The following IRF1 variants were observed in gnomAD, a reference collection of about 807,000 sequenced individuals.
IRF1 encodes the protein interferon regulatory factor-1.
Under a neutral mutation model 43.7 loss-of-function variants are expected in IRF1, and 13 were observed. The observed-to-expected ratio is 0.30, with a 90% CI of 0.19 to 0.47. The LOEUF (loss-of-function observed/expected upper bound fraction) is 0.47. Among genes scored for constraint, IRF1 ranks in the 20% least tolerant of loss-of-function variants. The pLI is 0.99. For synonymous variants in IRF1, 138 were observed against 146.8 expected (o/e 0.94, Z 0.43); for missense variants, 236 against 408.9 (o/e 0.58, Z 3.65).
At position 132,481,663 on chromosome 5, in the gene IRF1, A is replaced by G. The variant is rs1580934120; in HGVS notation, c.*2288T>C. 6.6e-6 allele frequency: 1 copy of G among 152,276 alleles called. No individual in the cohort carries two copies. The highest frequency in any genetic ancestry group is 1.5e-5 in the Non-Finnish European group (1 of 68,060). 9.4% of individuals were successfully genotyped at this position (152,276 alleles called of 1,614,324 possible). ...AATTAAAAGTTCAATTCCTTATTGC[A>G]CTGGCCACATTTCAAGTGCTTAGCT... On this transcript the variant is annotated 3_prime_UTR_variant, in exon 10 of 10. Transcript: ENST00000245414.
Position 132,489,423 on chromosome 5 carries a change from T to G in IRF1, c.56A>C (p.Asn19Thr). 6.2e-7 allele frequency: 1 copy of G among 1,614,020 alleles called. No homozygotes were observed. Among genetic ancestry groups the G allele is most frequent in the Non-Finnish European group, 8.5e-7 (1 of 1,179,920 alleles). Reference sequence around the variant, plus strand: ...AATCCAGATGAGCCCCGGGATTTGGTTGGAATTAATCTGCATCTCTAGCCA... The same window carrying G: ...AATCCAGATGAGCCCCGGGATTTGGGTGGAATTAATCTGCATCTCTAGCCA... ...RPWLEMQINS[N>T]QIPGLIWINK... Residue 19 changes from asparagine to threonine, a missense_variant, in exon 2 of 10, where the codon AAC becomes ACC. Transcript: ENST00000245414.
chr5:132,484,084 T>C lies in IRF1; in HGVS notation c.854-9A>G, dbSNP rs772525637. On this transcript the variant is annotated splice_polypyrimidine_tract_variant and intron_variant, in intron 9 of 9. Coordinates refer to ENST00000245414, the MANE Select transcript of IRF1 (RefSeq NM_002198.3). The stretch of plus-strand genomic sequence containing the variant: ...ACTCAGCCCAATATCCCCTAGAAGA[T>C]GTGAAGAAGGTTGTATGAGGGTAGG... 15 of 1,613,404 alleles carry C rather than the reference T, an allele frequency of 9.3e-6. No homozygotes were observed. In the East Asian group the frequency reaches 3.1e-4, roughly 34 times the overall value.
rs894938971 is a variant in IRF1 at position 132,490,269 on chromosome 5, A to G, written c.-6+276T>C. ...GCGGGACGAACATAGCGGGCCACCT[A>G]CAGGCCCCTGGCGGCTGCGCGCACG... is the stretch of plus-strand genomic sequence containing the variant. On this transcript the variant is annotated intron_variant, in intron 1 of 9. Transcript: ENST00000245414. This position sits in a 1 kb window ranked among gnomAD's most constrained non-coding sequence, Gnocchi z 5.8. 1 of 151,774 alleles carries G rather than the reference A, an allele frequency of 6.6e-6. No individual in the cohort carries two copies. The highest frequency in any genetic ancestry group is 1.5e-5 in the Non-Finnish European group (1 of 67,842). 9.4% of individuals were successfully genotyped at this position (151,774 alleles called of 1,614,324 possible).
chr5:132,486,066 G>A, intron 7 of IRF1, 185 bp downstream of exon 7: 1 of 770,112 alleles, frequency 1.3e-6, no homozygotes, highest in Non-Finnish European at 2.1e-6. Context: ...CTGTACTGCA[G>A]CCCACTCTGA....
In IRF1 at chr5:132,485,697, C is replaced by G; in HGVS notation, c.687G>C (p.Glu229Asp). 6.2e-7 allele frequency: 1 copy of G among 1,613,162 alleles called. No homozygotes were observed. The highest frequency in any genetic ancestry group is 8.5e-7 in the Non-Finnish European group (1 of 1,179,650). Residue 229 changes from glutamate (E) to aspartate (D), a missense_variant, in exon 8 of 10, where the codon GAG (glutamate) becomes GAC (aspartate). This residue lies in a region of IRF1 where 170 missense variants were observed against 251.8 expected (regional missense o/e 0.68). Transcript: ENST00000245414. ...TGATGTCCTCAGGTAATTTCCCTTCCTCATCCTCATCTGTTGTAGCTGTGG... is the reference window on the plus strand; with the variant it reads ...TGATGTCCTCAGGTAATTTCCCTTCGTCATCCTCATCTGTTGTAGCTGTGG... Reference protein sequence around the residue: ...STSEATTDEDEEGKLPEDIMK... With the variant: ...STSEATTDEDDEGKLPEDIMK...
chr5:132,485,953 TACTTCCTTCCTCA>T (rs1754514650), intron 7 of IRF1: 3 of 256,634 alleles, frequency 1.2e-5, no homozygotes, highest in African/African-American at 1.4e-4. Context: ...ACCCCTACCC[TACTTCCTTCCTCA>T]CCCTCAGATG....
rs1240499570 is a variant in IRF1 at position 132,481,955 on chromosome 5, TGGTGATA to T, written c.*1989_*1995del. ...GGAGCCCAGAATCAACTGACAGCCC[TGGTGATA>T]GTCAAGGACAGGTGACTATGTTTAT... On this transcript the variant is annotated 3_prime_UTR_variant, in exon 10 of 10. Coordinates refer to ENST00000245414, the MANE Select transcript of IRF1 (RefSeq NM_002198.3). The T allele has an allele frequency of 7.2e-5, 11 of 152,502 alleles. No individual in the cohort carries two copies. The highest frequency in any genetic ancestry group is 2.6e-4 in the African/African-American group (11 of 41,582). The allele number at this position is 152,502 out of a possible 1,614,324, so 9.4% of individuals were successfully genotyped here. A position where few individuals can be genotyped will look rare whatever the true frequency, so the allele number is the denominator to read the frequency against.
At chr5:132,485,430 T>C (rs1754495458) in intron 8 of IRF1, 3 of 561,332 alleles carry the variant, frequency 5.3e-6, no homozygotes, top group Non-Finnish European at 9.8e-6. Flanking sequence ...CAGAGCTGTC[T>C]GATGCCCCAA....
chr5:132,490,747 T>C lies in IRF1; in HGVS notation c.-208A>G, dbSNP rs1407097204. 6.6e-6 allele frequency: 1 copy of C among 152,216 alleles called. No homozygotes were observed. The highest frequency in any genetic ancestry group is 1.5e-5 in the Non-Finnish European group (1 of 68,074). The allele number at this position is 152,216 out of a possible 1,614,324, so 9.4% of individuals were successfully genotyped here. A position where few individuals can be genotyped will look rare whatever the true frequency, so the allele number is the denominator to read the frequency against. On this transcript the variant is annotated 5_prime_UTR_variant, in exon 1 of 10. Transcript: ENST00000245414. This position sits in a 1 kb window ranked among gnomAD's most constrained non-coding sequence, Gnocchi z 5.8. ...TTCGGCGGGGCTCGGGCGCACGTCTTGCCTCGACTAAGGAGTGGCGAGCTC... is the reference window on the plus strand; with the variant it reads ...TTCGGCGGGGCTCGGGCGCACGTCTCGCCTCGACTAAGGAGTGGCGAGCTC...
chr5:132,484,640 C>T, intron 8 of IRF1, 143 bp from the exon 9 acceptor site: 1 of 1,059,342 alleles, frequency 9.4e-7, no homozygotes, highest in Non-Finnish European at 1.4e-6. Context: ...CAGAAGTGCA[C>T]TGCAGTCAGG....
chr5:132,484,623 T>C (rs1754470593), intron 8 of IRF1, 126 bp from the exon 9 acceptor site: 2 of 1,249,604 alleles, frequency 1.6e-6, no homozygotes, highest in Non-Finnish European at 2.3e-6. Context: ...CAATCTCAGA[T>C]AGGATGCAGA....
chr5:132,484,774 G>A (rs1754474554), intron 8 of IRF1: 1 of 398,918 alleles, frequency 2.5e-6, no homozygotes, highest in African/African-American at 2.0e-5. Flanking sequence ...AACTGTGTAA[G>A]GACATAGTAA....
rs1427097883 is a variant in IRF1 at position 132,490,620 on chromosome 5, G to A, written c.-81C>T. On this transcript the variant is annotated 5_prime_UTR_variant, in exon 1 of 10. Coordinates refer to ENST00000245414, the MANE Select transcript of IRF1 (RefSeq NM_002198.3). This position sits in a 1 kb window ranked among gnomAD's most constrained non-coding sequence, Gnocchi z 5.8. Reference sequence around the variant, plus strand: ...AGGGGCTGCAGTGAGGGCGCGCGGAGCGCGACTCCGAGTGGAAGAGGGAAG... The same window carrying A: ...AGGGGCTGCAGTGAGGGCGCGCGGAACGCGACTCCGAGTGGAAGAGGGAAG... The A allele has an allele frequency of 6.6e-6, 1 of 152,374 alleles. No individual in the cohort carries two copies. Among genetic ancestry groups the A allele is most frequent in the East Asian group, 1.9e-4 (1 of 5,202 alleles). The allele number at this position is 152,374 out of a possible 1,614,324, so 9.4% of individuals were successfully genotyped here.
chr5:132,484,751 C>T (rs1387762112), intron 8 of IRF1: 3 of 483,390 alleles, frequency 6.2e-6, no homozygotes, highest in African/African-American at 3.8e-5. Context: ...AGCATCTCCA[C>T]GACTTCCCTC....
chr5:132,486,234 G>A lies in IRF1; in HGVS notation c.667+17C>T. 1.9e-6 allele frequency: 3 copies of A among 1,612,412 alleles called. No individual in the cohort carries two copies. Among genetic ancestry groups the A allele is most frequent in the Non-Finnish European group, 2.5e-6 (3 of 1,179,342 alleles). On this transcript the variant is annotated intron_variant, in intron 7 of 9. Transcript: ENST00000245414. ...CCAGACAGTCAAGCAGGCAGGCCAG[G>A]CCCCAGGAGCACCAACCTTCAGAGG...
At chr5:132,485,605 G>T in intron 8 of IRF1, 62 bp downstream of exon 8, 1 of 1,292,382 alleles carries the variant, frequency 7.7e-7, no homozygotes, top group Non-Finnish European at 1.1e-6. Flanking sequence ...AAGCTTCACT[G>T]GTTCTCTCTC....
In IRF1 at chr5:132,482,219, AT is replaced by A. The variant is rs34329142; in HGVS notation, c.*1731del. On this transcript the variant is annotated 3_prime_UTR_variant, in exon 10 of 10. Transcript: ENST00000245414. Reference sequence around the variant, plus strand: ...AGGCGCCCGCCACCAGGCCCGGCTAATTTTTTTTTTTTTTTTTGAGACGGAG... The same window carrying A: ...AGGCGCCCGCCACCAGGCCCGGCTAATTTTTTTTTTTTTTTTGAGACGGAG... 0.33 allele frequency: 43,742 copies of A among 130,928 alleles called. 6,037 individuals are homozygous for A. Among genetic ancestry groups the A allele is most frequent in the Middle Eastern group, 0.45 (119 of 266 alleles). The allele number at this position is 130,928 out of a possible 1,614,324, so 8.1% of individuals were successfully genotyped here.
At chr5:132,489,284 T>C in intron 2 of IRF1, 108 bp downstream of exon 2, 3 of 865,446 alleles carry the variant, frequency 3.5e-6, no homozygotes, top group Non-Finnish European at 5.8e-6. Context: ...GAGAAACACC[T>C]GCTTGTCCCG....
At chr5:132,485,547 A>G in intron 8 of IRF1, 120 bp downstream of exon 8, 1 of 836,536 alleles carries the variant, frequency 1.2e-6, no homozygotes, top group Non-Finnish European at 2.1e-6. Flanking sequence ...CTTGTGGGAC[A>G]ATGCAAGCAG....
Sources: allele counts gnomAD v4.1 joint callset, GRCh38; gene constraint gnomAD v4.1.1; regional missense constraint gnomAD v4.1.1; non-coding constraint Gnocchi (gnomAD v3.1); transcripts MANE v1.5; gene names NCBI Gene and HGNC (gene_info 2026-07-23, HGNC 2026-07-21).